The following EPHA6 variants were observed in gnomAD, a reference collection of about 807,000 sequenced individuals.
EPHA6 encodes the protein ephrin type-A receptor 6.
A neutral mutation model predicts 112.0 loss-of-function variants in EPHA6; 50 were observed. That is an observed-to-expected ratio of 0.45 (90% CI 0.36 to 0.56). The LOEUF is 0.56. Ranked by LOEUF, EPHA6 falls within the 20% of genes least tolerant of loss-of-function variation. EPHA6 has a pLI of 0.00. For synonymous variants in EPHA6, 529 were observed against 490.7 expected, an observed-to-expected ratio of 1.08 and a Z score of -1.03; for missense variants, 1,280 against 1,417.4, an observed-to-expected ratio of 0.90 and a Z score of 1.56.
intron 1 of EPHA6, among the ~76,000 whole-genome samples, chr3:96,837,534 G>T (rs2034488444): frequency 6.6e-6 from 1 of 152,074 alleles, no homozygotes; most frequent in South Asian, 2.1e-4. Context: ...CATTTAGAGG[G>T]CCAGGACAGA....
chr3:96,964,651 T>G (rs1303208614), intron 2 of EPHA6, among the ~76,000 whole-genome samples: 1 of 152,214 alleles, frequency 6.6e-6, no homozygotes, highest in African/African-American at 2.4e-5. Context: ...TATATTTTAT[T>G]TATCCCTAAT....
intron 2 of EPHA6, among the ~76,000 whole-genome samples, chr3:96,955,440 T>C (rs72916465): frequency 0.013 from 2,055 of 152,336 alleles, 50 homozygotes; most frequent in African/African-American, 0.045. Flanking sequence ...TTTTCATTAA[T>C]GGATATCTTC....
intron 6 of EPHA6, among the ~76,000 whole-genome samples, chr3:97,432,064 A>G (rs1024170106): frequency 3.3e-5 from 5 of 152,134 alleles, no homozygotes; most frequent in African/African-American, 7.2e-5. Flanking sequence ...CTGGCTATAT[A>G]AAGATACCTC....
chr3:97,561,593 A>G (rs1211838981), intron 11 of EPHA6, among the ~76,000 whole-genome samples: 1 of 152,122 alleles, frequency 6.6e-6, no homozygotes, highest in Non-Finnish European at 1.5e-5. Context: ...GAATGAAACC[A>G]TCTCTGTAAC....
chr3:97,365,547 A>T (rs1053526157), intron 5 of EPHA6, among the ~76,000 whole-genome samples: 1 of 151,812 alleles, frequency 6.6e-6, no homozygotes, highest in Non-Finnish European at 1.5e-5. Context: ...ACACCCAGCT[A>T]ATTTTTGTAT....
intron 11 of EPHA6, among the ~76,000 whole-genome samples, chr3:97,546,002 G>A (rs1007352698): frequency 6.6e-6 from 1 of 152,108 alleles, no homozygotes; most frequent in African/African-American, 2.4e-5. Flanking sequence ...ACACTGATGG[G>A]TCTTGACTCT....
At chr3:97,280,131 G>T (rs35342130) in intron 5 of EPHA6, among the ~76,000 whole-genome samples, 1 of 152,114 alleles carries the variant, frequency 6.6e-6, no homozygotes, top group Non-Finnish European at 1.5e-5. Context: ...TGATCCACCC[G>T]CCTTGGCCTC....
At chr3:97,215,625 A>G (rs2078013062) in intron 3 of EPHA6, among the ~76,000 whole-genome samples, 1 of 151,090 alleles carries the variant, frequency 6.6e-6, no homozygotes, top group African/African-American at 2.5e-5. Context: ...AAAAAAAAAA[A>G]TAGAAAATTA....
chr3:96,858,477 C>T (rs2035823959), intron 1 of EPHA6, among the ~76,000 whole-genome samples: 2 of 152,036 alleles, frequency 1.3e-5, no homozygotes, highest in Non-Finnish European at 1.5e-5. Context: ...TTTAGGAAGT[C>T]TCTTTCAATA....
intron 4 of EPHA6, among the ~76,000 whole-genome samples, chr3:97,238,862 G>A (rs1396364353): frequency 6.6e-6 from 1 of 151,766 alleles, no homozygotes; most frequent in Non-Finnish European, 1.5e-5. Context: ...ACGGGGGCCT[G>A]GTATGAAGAC....
chr3:97,736,464 AGAGAGAGTGTGT>A (rs745734907), intron 16 of EPHA6, among the ~76,000 whole-genome samples: 80 of 143,344 alleles, frequency 5.6e-4, no homozygotes, highest in African/African-American at 1.8e-3. Flanking sequence ...AGAGAGAGAG[AGAGAGAGTGTGT>A]GTGTGTGTGT....
intron 5 of EPHA6, among the ~76,000 whole-genome samples, chr3:97,252,831 T>A (rs943347350): frequency 6.6e-6 from 1 of 152,072 alleles, no homozygotes; most frequent in Non-Finnish European, 1.5e-5. Context: ...CCTAAGAGAG[T>A]TGGGAGAGCT....
chr3:97,194,681 A>G (rs1423326946), intron 3 of EPHA6, among the ~76,000 whole-genome samples: 1 of 149,976 alleles, frequency 6.7e-6, no homozygotes, highest in African/African-American at 2.5e-5. Flanking sequence ...GTTGCCATCT[A>G]TTATTGTATT....
At chr3:97,435,658 G>A (rs1454670775) in intron 6 of EPHA6, among the ~76,000 whole-genome samples, 1 of 152,070 alleles carries the variant, frequency 6.6e-6, no homozygotes, top group Non-Finnish European at 1.5e-5. Context: ...TTTAACATGG[G>A]CAACATGTGT....
intron 14 of EPHA6, among the ~76,000 whole-genome samples, chr3:97,682,053 A>G (rs1241105968): frequency 2.0e-5 from 3 of 152,144 alleles, no homozygotes; most frequent in Admixed American, 2.0e-4. Flanking sequence ...TTAAAGAGAT[A>G]TAAGCAGCAT....
At chr3:96,953,019 G>T (rs1362713751) in intron 2 of EPHA6, among the ~76,000 whole-genome samples, 1 of 151,912 alleles carries the variant, frequency 6.6e-6, no homozygotes, top group Non-Finnish European at 1.5e-5. Flanking sequence ...TAAAGTAAAA[G>T]TTTTTAAAAA....
chr3:96,859,872 C>G (rs1576165290), intron 1 of EPHA6, among the ~76,000 whole-genome samples: 1 of 152,060 alleles, frequency 6.6e-6, no homozygotes, highest in African/African-American at 2.4e-5. Flanking sequence ...GCAATTTAAA[C>G]TACACAGTCT....
At chr3:97,392,982 G>A (rs1321486520) in intron 5 of EPHA6, among the ~76,000 whole-genome samples, 1 of 151,638 alleles carries the variant, frequency 6.6e-6, no homozygotes, top group Non-Finnish European at 1.5e-5. Flanking sequence ...TTGTATAATT[G>A]TACAGATCAA....
At chr3:96,985,952 C>T (rs1177762814) in intron 2 of EPHA6, among the ~76,000 whole-genome samples, 6 of 152,020 alleles carry the variant, frequency 3.9e-5, no homozygotes, top group East Asian at 1.9e-4. Context: ...TTATAAATAA[C>T]TGAAGTATGT....
Sources: allele counts gnomAD v4.1 joint callset (sites outside exome capture counted in the v4.1 genomes callset), GRCh38; gene constraint gnomAD v4.1.1; transcripts MANE v1.5; gene names NCBI Gene and HGNC (gene_info 2026-07-23, HGNC 2026-07-21).